Variants in BCAT1 observed in about 807,000 individuals in gnomAD.
BCAT1 encodes branched chain amino acid transaminase 1.
Under a neutral mutation model 52.4 loss-of-function variants are expected in BCAT1, and 48 were observed. The observed-to-expected ratio is 0.92, with a 90% confidence interval of 0.73 to 1.16. The LOEUF (loss-of-function observed/expected upper bound fraction) is 1.16, where lower values mean the gene tolerates loss of function less well. Ranked by LOEUF, BCAT1 falls within the 50% of genes most tolerant of loss-of-function variation. The pLI, the probability that BCAT1 is intolerant of heterozygous loss-of-function variation, is 0.00. For synonymous variants in BCAT1, 167 were observed against 161.3 expected, an observed-to-expected ratio of 1.04 and a Z score of -0.27; for missense variants, 451 against 457.1, an observed-to-expected ratio of 0.99 and a Z score of 0.12.
rs1436057780 is a variant in BCAT1 at position 24,833,824 on chromosome 12, T to C, written c.904-961A>G. The C allele has an allele frequency of 3.5e-5, 5 of 141,036 alleles. 1 individual carries two copies. The Admixed American group carries it at 3.7e-4, about 11-fold the overall frequency. 8.7% of individuals were successfully genotyped at this position (141,036 alleles called of 1,614,324 possible). ...ACTCTTTCTACGTTTGTCTCTTTCTTTTTTTTTTTTTTTTAAGACAGGGTC... is the reference window on the plus strand; with the variant it reads ...ACTCTTTCTACGTTTGTCTCTTTCTCTTTTTTTTTTTTTTAAGACAGGGTC... On this transcript the variant is annotated intron_variant, in intron 8 of 10. Transcript: ENST00000261192.
chr12:24,838,956 T>A (rs1056226384), intron 7 of BCAT1, among the ~76,000 whole-genome samples: 5 of 152,218 alleles, frequency 3.3e-5, no homozygotes, highest in Admixed American at 1.3e-4. Flanking sequence ...AATGTAGGTC[T>A]GCATAAGTGC....
intron 2 of BCAT1, among the ~76,000 whole-genome samples, chr12:24,894,723 G>A (rs1051303979): frequency 2.6e-5 from 4 of 152,098 alleles, no homozygotes; most frequent in African/African-American, 9.7e-5. Context: ...ATAGAAGAGG[G>A]ACAAAATAGC....
rs1203788792 is a variant in BCAT1, at chr12:24,836,937, AGAAAGAAAGAAAGAAAGAAAAG to A, written c.818-363_818-342del. ...AAGAAAGAAAGAAAGAAAGAAAGAA[AGAAAGAAAGAAAGAAAGAAAAG>A]AGAAAGAAAGAAAGAGAGAGAGGGA... On this transcript the variant is annotated intron_variant, in intron 7 of 10. Transcript: ENST00000261192. Among the ~76,000 whole-genome samples, 61 of 119,014 alleles carry A rather than the reference AGAAAGAAAGAAAGAAAGAAAAG, an allele frequency of 5.1e-4. 3 individuals carry two copies. Among genetic ancestry groups the A allele is most frequent in the Non-Finnish European group, 8.6e-4 (44 of 51,092 alleles). 78.1% of individuals were successfully genotyped at this position (119,014 alleles called of 152,430 possible).
intron 5 of BCAT1, among the ~76,000 whole-genome samples, chr12:24,858,451 A>C (rs1385341238): frequency 1.3e-5 from 2 of 152,240 alleles, no homozygotes; most frequent in Non-Finnish European, 2.9e-5. Context: ...GTCAGATTAA[A>C]TTAGATTTGC....
At chr12:24,849,341 G>A (rs531999920) in intron 6 of BCAT1, among the ~76,000 whole-genome samples, 7 of 152,312 alleles carry the variant, frequency 4.6e-5, no homozygotes, top group African/African-American at 1.2e-4. Context: ...TCAGTGAAGC[G>A]GGCACCTTCC....
chr12:24,843,366 G>T (rs1941231009), intron 6 of BCAT1, among the ~76,000 whole-genome samples: 1 of 152,202 alleles, frequency 6.6e-6, no homozygotes, highest in Non-Finnish European at 1.5e-5. Context: ...CACTTTAGGA[G>T]CCTAAGATGG....
At chr12:24,829,083 G>A (rs1940533119) in intron 10 of BCAT1, among the ~76,000 whole-genome samples, 1 of 151,506 alleles carries the variant, frequency 6.6e-6, no homozygotes, top group African/African-American at 2.4e-5. Context: ...AAATATTGAA[G>A]GTTAAGACAT....
At chr12:24,909,029 A>G (rs1226131366) in intron 1 of BCAT1, among the ~76,000 whole-genome samples, 1 of 152,230 alleles carries the variant, frequency 6.6e-6, no homozygotes. Context: ...AGCTAGTGTT[A>G]TATACCATGT....
chr12:24,836,421 C>A (rs1283669988), intron 8 of BCAT1, 90 bp downstream of exon 8: 14 of 1,119,608 alleles, frequency 1.3e-5, no homozygotes, highest in Non-Finnish European at 1.7e-5. Flanking sequence ...TGGTTGGAAC[C>A]ACAGGATATT....
At chr12:24,855,364 C>T (rs1333944154) in intron 5 of BCAT1, among the ~76,000 whole-genome samples, 2 of 151,604 alleles carry the variant, frequency 1.3e-5, no homozygotes, top group African/African-American at 2.4e-5. Context: ...TGAATTATCA[C>T]CATTCTTTGT....
intron 6 of BCAT1, among the ~76,000 whole-genome samples, chr12:24,846,615 G>C (rs1565460200): frequency 6.6e-6 from 1 of 152,144 alleles, no homozygotes; most frequent in African/African-American, 2.4e-5. Flanking sequence ...GAGAAAGTGA[G>C]AAAACCTCAC....
At chr12:24,863,702 A>G (rs1941918266) in intron 5 of BCAT1, among the ~76,000 whole-genome samples, 1 of 152,216 alleles carries the variant, frequency 6.6e-6, no homozygotes, top group South Asian at 2.1e-4. Flanking sequence ...ATCCTGGGGC[A>G]GGAGAATCAC....
At chr12:24,861,158 T>C (rs1361074215) in intron 5 of BCAT1, among the ~76,000 whole-genome samples, 1 of 152,248 alleles carries the variant, frequency 6.6e-6, no homozygotes, top group Non-Finnish European at 1.5e-5. Flanking sequence ...GAGTTTTTTC[T>C]GCCATTTAGA....
chr12:24,907,297 T>C (rs139797369), intron 1 of BCAT1, among the ~76,000 whole-genome samples: 50 of 152,372 alleles, frequency 3.3e-4, no homozygotes, highest in African/African-American at 1.2e-3. Context: ...CCTCTGCTGT[T>C]TATTTACATA....
rs186089374 is a variant in BCAT1 at position 24,832,718 on chromosome 12, C to T, written c.1044+5G>A. On this transcript the variant is annotated splice_donor_5th_base_variant and intron_variant, in intron 9 of 10. Transcript: ENST00000261192. ...TGATAGGAAATGAGGAAATACTTGT[C>T]GTACCTCGCCTTTGTACAGTATATC... is the stretch of plus-strand genomic sequence containing the variant. 36 of 1,598,420 alleles carry T rather than the reference C, an allele frequency of 2.3e-5. No individual in the cohort carries two copies. The Admixed American group carries it at 2.8e-4, about 12-fold the overall frequency.
intron 10 of BCAT1, among the ~76,000 whole-genome samples, chr12:24,829,331 C>T (rs911146661): frequency 2.2e-4 from 34 of 152,092 alleles, no homozygotes; most frequent in African/African-American, 8.0e-4. Context: ...TTGCAGTGAG[C>T]CAAGATCGTG....
chr12:24,833,347 T>C (rs1168430892), intron 8 of BCAT1, among the ~76,000 whole-genome samples: 3 of 151,932 alleles, frequency 2.0e-5, no homozygotes, highest in Non-Finnish European at 4.4e-5. Flanking sequence ...GGTAAAACCC[T>C]GTCTCTACTA....
chr12:24,837,185 AAAT>A (rs995128314), intron 7 of BCAT1, among the ~76,000 whole-genome samples: 2 of 126,342 alleles, frequency 1.6e-5, no homozygotes, highest in African/African-American at 5.6e-5. Flanking sequence ...TTAACCAGTA[AAAT>A]AATGAGATGG....
chr12:24,814,594 C>T lies in BCAT1; in HGVS notation c.*3414G>A, dbSNP rs1939803772. ...ACTAAGATATACTCATTAATTGCCT[C>T]CAAGTGTTCAAGACTGCTTGGATTT... is the stretch of plus-strand genomic sequence containing the variant. On this transcript the variant is annotated 3_prime_UTR_variant, in exon 11 of 11. Transcript: ENST00000261192. 1 of 152,074 alleles carries T rather than the reference C, an allele frequency of 6.6e-6. No individual in the cohort carries two copies. Among genetic ancestry groups the T allele is most frequent in the African/African-American group, 2.4e-5 (1 of 41,406 alleles). 9.4% of individuals were successfully genotyped at this position (152,074 alleles called of 1,614,324 possible).
Sources: gnomAD v4.1 joint callset for allele counts (sites outside exome capture counted in the v4.1 genomes callset) on GRCh38, gnomAD v4.1.1 for gene constraint, MANE v1.5 for transcripts, NCBI Gene and HGNC (gene_info 2026-07-23, HGNC 2026-07-21) for gene names.